Variants in CIMAP1D observed in about 807,000 individuals in gnomAD.
The protein encoded by CIMAP1D is protein CIMAP1D.
the CIMAP1D span, among the ~76,000 whole-genome samples, chr19:485,274 G>A: frequency 8.5e-5 from 13 of 152,204 alleles, no homozygotes; most frequent in Non-Finnish European, 1.6e-4. Context: ...AGGCAGGCGC[G>A]CACACACACG....
At chr19:474,575 G>C in the CIMAP1D span, 1 of 1,447,326 alleles carries the variant, frequency 6.9e-7, no homozygotes, top group Non-Finnish European at 9.2e-7. Context: ...AGTATGGGGA[G>C]TGGAGCAGGA....
At chr19:469,123 C>T in the CIMAP1D span, among the ~76,000 whole-genome samples, 1 of 152,172 alleles carries the variant, frequency 6.6e-6, no homozygotes, top group Non-Finnish European at 1.5e-5. Context: ...ACAGCCTCAT[C>T]CTTTGTTAGA....
At chr19:481,425 AGAAGGATGATGGG>A in the CIMAP1D span, among the ~76,000 whole-genome samples, 15 of 43,300 alleles carry the variant, frequency 3.5e-4, no homozygotes, top group Non-Finnish European at 3.9e-4. Flanking sequence ...AGGATGATGG[AGAAGGATGATGGG>A]GAAGGATGAT....
At chr19:469,241 G>A in the CIMAP1D span, among the ~76,000 whole-genome samples, 1,390 of 145,642 alleles carry the variant, frequency 9.5e-3, 26 homozygotes, top group African/African-American at 0.034. Flanking sequence ...TTTTTTTGAG[G>A]GAGTGTCTCA....
the CIMAP1D span, among the ~76,000 whole-genome samples, chr19:488,333 T>G: frequency 6.6e-6 from 1 of 151,732 alleles, no homozygotes; most frequent in Non-Finnish European, 1.5e-5. Flanking sequence ...CCATCCTGGC[T>G]AACACGGTGA....
chr19:489,878 C>T, the CIMAP1D span: 2 of 385,762 alleles, frequency 5.2e-6, no homozygotes, highest in Non-Finnish European at 9.2e-6. Flanking sequence ...GAGAACCCTC[C>T]CAGCCAGGAG....
At chr19:485,791 C>CG in the CIMAP1D span, among the ~76,000 whole-genome samples, 1 of 152,222 alleles carries the variant, frequency 6.6e-6, no homozygotes, top group African/African-American at 2.4e-5. Context: ...CCCTGGCACA[C>CG]GGCACAGCAG....
the CIMAP1D span, among the ~76,000 whole-genome samples, chr19:470,300 G>A: frequency 0.016 from 2,394 of 151,324 alleles, 33 homozygotes; most frequent in Middle Eastern, 0.037. Context: ...TCCGCCTCCC[G>A]GGTTCATGCC....
the CIMAP1D span, chr19:472,312 A>C: frequency 1.3e-6 from 1 of 750,668 alleles, no homozygotes; most frequent in South Asian, 2.6e-5. Context: ...CCTGGATCTA[A>C]GGGGTAAGGA....
chr19:481,412 G>GGAAGGATGGTGGA, the CIMAP1D span, among the ~76,000 whole-genome samples: 1 of 92,272 alleles, frequency 1.1e-5, no homozygotes, highest in African/African-American at 6.9e-5. Flanking sequence ...AAGGATGATG[G>GGAAGGATGGTGGA]GAAGGATGAT....
the CIMAP1D span, chr19:463,876 C>A: frequency 6.2e-7 from 1 of 1,610,532 alleles, no homozygotes; most frequent in Non-Finnish European, 8.5e-7. Context: ...CTGTGCCCCG[C>A]AGGCCGGGAG....
the CIMAP1D span, chr19:474,600 TC>T: frequency 6.7e-7 from 1 of 1,493,144 alleles, no homozygotes. Context: ...GTCCCACCCA[TC>T]CCCCACGGCT....
At chr19:484,202 G>A in the CIMAP1D span, among the ~76,000 whole-genome samples, 4 of 144,980 alleles carry the variant, frequency 2.8e-5, no homozygotes, top group Admixed American at 2.1e-4. Flanking sequence ...GTGCAATGGC[G>A]CGATCTTGGC....
the CIMAP1D span, among the ~76,000 whole-genome samples, chr19:484,721 G>A: frequency 6.6e-6 from 1 of 152,218 alleles, no homozygotes; most frequent in Admixed American, 6.5e-5. Context: ...CGAGGAGGAG[G>A]CCAGGGTGGC....
At chr19:479,780 C>T in the CIMAP1D span, among the ~76,000 whole-genome samples, 1 of 152,206 alleles carries the variant, frequency 6.6e-6, no homozygotes, top group Non-Finnish European at 1.5e-5. Flanking sequence ...TTGTGATCCG[C>T]CTGCCTCGGC....
At chr19:464,859 G>T in the CIMAP1D span, among the ~76,000 whole-genome samples, 1 of 152,180 alleles carries the variant, frequency 6.6e-6, no homozygotes, top group East Asian at 1.9e-4. Context: ...AATGGTTCAT[G>T]AAGGGATTTG....
chr19:475,553 C>A, the CIMAP1D span, among the ~76,000 whole-genome samples: 1 of 152,082 alleles, frequency 6.6e-6, no homozygotes, highest in African/African-American at 2.4e-5. Context: ...GAGGAGGCAG[C>A]CGTGCAGAGG....
the CIMAP1D span, among the ~76,000 whole-genome samples, chr19:469,780 C>T: frequency 1.3e-5 from 2 of 152,324 alleles, no homozygotes; most frequent in Middle Eastern, 6.8e-3. Context: ...TGACCACAGA[C>T]TCGCCTCAAA....
chr19:477,095 T>C, the CIMAP1D span, among the ~76,000 whole-genome samples: 1 of 152,052 alleles, frequency 6.6e-6, no homozygotes, highest in African/African-American at 2.4e-5. Context: ...TAATCCCAGC[T>C]ACTCAGGAGG....
Sources: allele counts gnomAD v4.1 joint callset (sites outside exome capture counted in the v4.1 genomes callset), GRCh38; gene constraint gnomAD v4.1.1; transcripts MANE v1.5; gene names NCBI Gene and HGNC (gene_info 2026-07-23, HGNC 2026-07-21).